PEX5: variants seen among roughly 807,000 people sequenced by gnomAD.
PEX5 encodes peroxisomal biogenesis factor 5, also known as PTS1 receptor.
PEX5 carries 52 observed loss-of-function variants against 82.9 expected under a neutral mutation model. The observed-to-expected ratio is 0.63, with a 90% CI of 0.50 to 0.79. The LOEUF (loss-of-function observed/expected upper bound fraction) is 0.79, where lower values mean the gene tolerates loss of function less well. PEX5 is among the 30% of genes least tolerant of loss of function. The pLI is 0.00. For synonymous variants in PEX5, 300 were observed against 318.8 expected, an observed-to-expected ratio of 0.94 and a Z score of 0.63; for missense variants, 719 against 815.2, an observed-to-expected ratio of 0.88 and a Z score of 1.44.
chr12:7,216,492 T>G (rs889957001), intron 17 of PEX5, among the ~76,000 whole-genome samples: 10 of 152,238 alleles, frequency 6.6e-5, no homozygotes, highest in African/African-American at 1.9e-4. Flanking sequence ...TATATAGAAC[T>G]ATTGTATGTC....
At chr12:7,190,132 C>T (rs1940708088) in intron 1 of PEX5, 2 of 1,485,142 alleles carry the variant, frequency 1.3e-6, no homozygotes, top group South Asian at 1.3e-5. Context: ...TCGCGGAGGC[C>T]TCTGCAGAGG....
At chr12:7,214,505 G>T (rs1945721230), downstream of PEX5, among the ~76,000 whole-genome samples, 1 of 139,478 alleles carries the variant, frequency 7.2e-6, no homozygotes, top group Non-Finnish European at 1.5e-5. Context: ...TCATAGGTGG[G>T]AATTGAACAA....
rs1468724704 is a variant in PEX5, at chr12:7,202,353, T to C, written c.753+2T>C. On this transcript the variant is annotated splice_donor_variant, in intron 8 of 15. Transcript: ENST00000675855. LOFTEE classifies it high-confidence loss of function. ...GCAGCAGAGTTTATACAGCAGCAGG[T>C]AGGACATTGTCACTTTCCAGTCCCA... 1.9e-6 allele frequency: 3 copies of C among 1,613,890 alleles called. No individual in the cohort carries two copies. The highest frequency in any genetic ancestry group is 3.3e-5 in the Admixed American group (2 of 59,990).
chr12:7,206,822 G>A (rs1046262736), intron 10 of PEX5, among the ~76,000 whole-genome samples: 1 of 152,060 alleles, frequency 6.6e-6, no homozygotes, highest in Admixed American at 6.6e-5. Flanking sequence ...TCTTGTTTTC[G>A]TTCTGGTGTA....
chr12:7,191,387 A>G lies in PEX5; in HGVS notation c.316+29A>G, dbSNP rs367808218. 3.4e-5 allele frequency: 55 copies of G among 1,613,914 alleles called. No homozygotes were observed. In the African/African-American group the frequency reaches 6.8e-4, roughly 20 times the overall value. Reference sequence around the variant, plus strand: ...AGTCCAGAGTCTAGTGGGAGGGGAGATCGTTTTCCATGTAGCCAGGGCCAA... The same window carrying G: ...AGTCCAGAGTCTAGTGGGAGGGGAGGTCGTTTTCCATGTAGCCAGGGCCAA... On this transcript the variant is annotated intron_variant, in intron 4 of 15. Transcript: ENST00000675855.
intron 4 of PEX5, 39 bp from the exon 5 acceptor site, chr12:7,191,530 T>A (rs773343590): frequency 6.2e-7 from 1 of 1,612,202 alleles, no homozygotes; most frequent in East Asian, 2.2e-5. Context: ...GAATGGTATG[T>A]ATGTATTCTT....
downstream of PEX5, among the ~76,000 whole-genome samples, chr12:7,214,189 G>GAAAT (rs1288811526): frequency 4.7e-4 from 71 of 152,272 alleles, no homozygotes; most frequent in African/African-American, 1.7e-3. Flanking sequence ...TCTAGAACTA[G>GAAAT]AAATACCATT....
At chr12:7,209,902 C>G in intron 15 of PEX5, 62 bp downstream of exon 15, 3 of 1,606,158 alleles carry the variant, frequency 1.9e-6, no homozygotes, top group Non-Finnish European at 1.7e-6. Context: ...GGCCCTAGCT[C>G]CTTATTCTTA....
At position 7,208,583 on chromosome 12, in the gene PEX5, T is replaced by C. The variant is rs553222410; in HGVS notation, c.1308T>C (p.Tyr436=). The part of the protein sequence containing the change: ...LRDWLRYTPA[Y]AHLVTPAEEG... The stretch of plus-strand genomic sequence containing the variant: ...ACTGGCTGCGGTACACACCAGCCTA[T>C]GCCCATCTGGTGACACCTGCTGAAG... Residue 436 remains tyrosine, a synonymous_variant, in exon 13 of 16, where the codon TAT becomes TAC. Coordinates refer to ENST00000675855, the MANE Select transcript of PEX5 (RefSeq NM_001351132.2). The C allele has an allele frequency of 6.2e-7, 1 of 1,614,124 alleles. No individual in the cohort carries two copies. The highest frequency in any genetic ancestry group is 8.5e-7 in the Non-Finnish European group (1 of 1,179,956).
At position 7,210,348 on chromosome 12, in the gene PEX5, G is replaced by C. The variant is rs1945415617; in HGVS notation, c.*125G>C. ...GACCATAAGCGGTACGGCCTTTCAGGAGCTGCCTCAACGTAGGGGTGGGTA... is the reference window on the plus strand; with the variant it reads ...GACCATAAGCGGTACGGCCTTTCAGCAGCTGCCTCAACGTAGGGGTGGGTA... On this transcript the variant is annotated 3_prime_UTR_variant, in exon 16 of 16. Transcript: ENST00000675855. 1.2e-6 allele frequency: 1 copy of C among 855,806 alleles called. No individual in the cohort carries two copies. Among genetic ancestry groups the C allele is most frequent in the African/African-American group, 1.7e-5 (1 of 60,578 alleles). The allele number at this position is 855,806 out of a possible 1,614,324, so 53.0% of individuals were successfully genotyped here. A position where few individuals can be genotyped will look rare whatever the true frequency, so the allele number is the denominator to read the frequency against.
downstream of PEX5, among the ~76,000 whole-genome samples, chr12:7,212,526 G>GGTAA (rs1945649195): frequency 6.7e-6 from 1 of 150,126 alleles, no homozygotes; most frequent in Non-Finnish European, 1.5e-5. Flanking sequence ...AAGACAACTG[G>GGTAA]GTAAGTAAAT....
In PEX5 at chr12:7,203,545, T is replaced by C. The variant is rs1565708833; in HGVS notation, c.960T>C (p.Tyr320=). The part of the protein sequence containing the change: ...SDYDDLTSAT[Y]DKGYQFEEEN... ...ATGATGACCTTACGTCAGCTACCTA[T>C]GATAAGGTGAGGTAAAAACTCTTAG... The change falls in exon 10 of 16, where the codon TAT becomes TAC. Residue 320 remains tyrosine (Y), a synonymous_variant. Transcript: ENST00000675855. The C allele has an allele frequency of 6.2e-6, 10 of 1,613,688 alleles. No individual in the cohort carries two copies. Among genetic ancestry groups the C allele is most frequent in the Non-Finnish European group, 8.5e-6 (10 of 1,179,840 alleles).
Position 7,203,452 on chromosome 12 carries a change from C to A in PEX5, c.867C>A (p.Asp289Glu), listed in dbSNP as rs1944390501. ...TACAGTCTGATGTCGATTTCTGGGACAAGTTGCAGGCAGAGTTGGAGGAGA... is the reference window on the plus strand; with the variant it reads ...TACAGTCTGATGTCGATTTCTGGGAAAAGTTGCAGGCAGAGTTGGAGGAGA... ...SAIESDVDFW[D>E]KLQAELEEMA... Residue 289 changes from aspartate to glutamate, a missense_variant, in exon 10 of 16, where the codon GAC becomes GAA. By Grantham distance (45) the Asp-to-Glu change is conservative. Transcript: ENST00000675855. 1 of 1,613,806 alleles carries A rather than the reference C, an allele frequency of 6.2e-7. No homozygotes were observed. The highest frequency in any genetic ancestry group is 8.5e-7 in the Non-Finnish European group (1 of 1,179,930).
chr12:7,208,337 G>T lies in PEX5; in HGVS notation c.1182-120G>T, dbSNP rs1055790522. 44 of 782,452 alleles carry T rather than the reference G, an allele frequency of 5.6e-5. No homozygotes were observed. In the South Asian group the frequency reaches 6.0e-4, roughly 11 times the overall value. 48.5% of individuals were successfully genotyped at this position (782,452 alleles called of 1,614,324 possible). On this transcript the variant is annotated intron_variant, in intron 12 of 15. Coordinates refer to ENST00000675855, the MANE Select transcript of PEX5 (RefSeq NM_001351132.2). ...ACTTTATTATTAACTCATGTCAGAG[G>T]AGTCACAGGTGAGGCCATTGTGACT...
At chr12:7,189,909 G>GGCTC in intron 1 of PEX5, 159 bp downstream of exon 1, 1 of 1,430,322 alleles carries the variant, frequency 7.0e-7, no homozygotes, top group South Asian at 1.5e-5. Flanking sequence ...CCGGGGGAAG[G>GGCTC]GCTCCGGTGA....
downstream of PEX5, among the ~76,000 whole-genome samples, chr12:7,214,414 T>C (rs1337941825): frequency 6.6e-6 from 1 of 151,890 alleles, no homozygotes; most frequent in Admixed American, 6.6e-5. Flanking sequence ...TTCATGTCCT[T>C]TGTAGGGACA....
chr12:7,207,296 A>T (rs1413185216), intron 10 of PEX5, among the ~76,000 whole-genome samples: 2 of 152,196 alleles, frequency 1.3e-5, no homozygotes, highest in Non-Finnish European at 2.9e-5. Context: ...ATAGCTAGGG[A>T]CACTTTGTCT....
chr12:7,191,082 GA>G, intron 3 of PEX5, 143 bp from the exon 4 acceptor site: 4 of 1,194,550 alleles, frequency 3.3e-6, no homozygotes, highest in Non-Finnish European at 5.0e-6. Flanking sequence ...TAAATCTATG[GA>G]AAGACAGTTT....
At chr12:7,189,156 AGACAGTGACGCTACCCCGCTAGGG>A (rs1412615911), upstream of PEX5, 1 of 151,964 alleles carries the variant, frequency 6.6e-6, no homozygotes, top group Admixed American at 6.6e-5. Context: ...GTCTCCATGG[AGACAGTGACGCTACCCCGCTAGGG>A]GTTATTTGGA....
Sources: allele counts gnomAD v4.1 joint callset (sites outside exome capture counted in the v4.1 genomes callset), GRCh38; gene constraint gnomAD v4.1.1; transcripts MANE v1.5; gene names NCBI Gene and HGNC (gene_info 2026-07-23, HGNC 2026-07-21).